AFAP1: variants seen among roughly 807,000 people sequenced by gnomAD.
AFAP1 encodes actin filament-associated protein 1.
Under a neutral mutation model 93.9 loss-of-function variants are expected in AFAP1, and 75 were observed. The observed-to-expected ratio is 0.80, with a 90% CI of 0.66 to 0.97. The LOEUF (loss-of-function observed/expected upper bound fraction) is 0.97. AFAP1 is among the 50% of genes least tolerant of loss of function. The pLI, the probability that AFAP1 is intolerant of heterozygous loss-of-function variation, is 0.00. For missense variants in AFAP1, 1,201 were observed against 1,050.8 expected, an observed-to-expected ratio of 1.14 and a Z score of -1.98; for synonymous variants, 517 against 430.7, an observed-to-expected ratio of 1.20 and a Z score of -2.48.
intron 1 of AFAP1, among the ~76,000 whole-genome samples, chr4:7,874,356 C>CTTTTTTTTTTT (rs869214535): frequency 2.2e-4 from 20 of 92,440 alleles, no homozygotes; most frequent in African/African-American, 9.4e-4. Flanking sequence ...TTGCCTTTTT[C>CTTTTTTTTTTT]TTTTTTTTTT....
rs749316379 is a variant in AFAP1, at chr4:7,843,229, C to T, written c.456G>A (p.Lys152=). The T allele has an allele frequency of 1.9e-6, 3 of 1,614,202 alleles. No homozygotes were observed. In the South Asian group the frequency reaches 3.3e-5, roughly 18 times the overall value. The part of the protein sequence containing the change: ...PSEEASMDLV[K]DAKICAFLLR... Reference sequence around the variant, plus strand: ...GCAGGAAGGCGCAGATTTTGGCGTCCTTGACCAGGTCCATGGAGGCCTCCT... The same window carrying T: ...GCAGGAAGGCGCAGATTTTGGCGTCTTTGACCAGGTCCATGGAGGCCTCCT... Residue 152 remains lysine, a synonymous_variant, in exon 5 of 18, where the codon AAG becomes AAA. Transcript: ENST00000420658.
intron 12 of AFAP1, 21 bp from the exon 13 acceptor site, chr4:7,781,648 T>A: frequency 6.5e-7 from 1 of 1,550,218 alleles, no homozygotes; most frequent in South Asian, 1.2e-5. Context: ...CATAGCTTTG[T>A]GGTTAGTGAC....
intron 4 of AFAP1, among the ~76,000 whole-genome samples, chr4:7,846,123 G>A (rs1713666818): frequency 6.6e-6 from 1 of 152,218 alleles, no homozygotes. Context: ...TCAGCTTCTG[G>A]ACAGGACGTG....
intron 1 of AFAP1, among the ~76,000 whole-genome samples, chr4:7,873,922 T>G (rs1225650204): frequency 2.6e-5 from 4 of 152,212 alleles, no homozygotes; most frequent in Non-Finnish European, 4.4e-5. Flanking sequence ...TGATACCATT[T>G]GTGGCCAAGA....
chr4:7,838,595 T>C lies in AFAP1; in HGVS notation c.655A>G (p.Ile219Val). The C allele has an allele frequency of 6.2e-7, 1 of 1,614,192 alleles. No homozygotes were observed. ...AGCGGGTCCGTGCCCTGCTGAGTAATCTTCAGCTCGTGCTTCTTCTTTTTG... is the reference window on the plus strand; with the variant it reads ...AGCGGGTCCGTGCCCTGCTGAGTAACCTTCAGCTCGTGCTTCTTCTTTTTG... ...DSKKKKHELKITQQGTDPLVL... is the reference protein window; with the variant it reads ...DSKKKKHELKVTQQGTDPLVL... The change falls in exon 6 of 18, where the codon ATT (isoleucine) becomes GTT (valine). Residue 219 changes from isoleucine to valine, a missense_variant. By Grantham distance (29) the Ile-to-Val change is conservative (BLOSUM62 3). Coordinates refer to ENST00000420658, the MANE Select transcript of AFAP1 (RefSeq NM_001134647.2).
At chr4:7,845,826 G>A (rs1713620176) in intron 4 of AFAP1, among the ~76,000 whole-genome samples, 1 of 152,086 alleles carries the variant, frequency 6.6e-6, no homozygotes, top group Admixed American at 6.5e-5. Context: ...CTGGATACCG[G>A]GGCCCAGAGG....
At chr4:7,842,082 T>A (rs1363874255) in intron 5 of AFAP1, among the ~76,000 whole-genome samples, 3 of 152,116 alleles carry the variant, frequency 2.0e-5, no homozygotes, top group Non-Finnish European at 4.4e-5. Context: ...AGACTGGAAA[T>A]AAGGACCACA....
intron 1 of AFAP1, among the ~76,000 whole-genome samples, chr4:7,882,180 T>C (rs139573921): frequency 1.3e-5 from 2 of 152,214 alleles, no homozygotes; most frequent in East Asian, 1.9e-4. Flanking sequence ...TGCAACTCTA[T>C]GCAGATACGC....
At position 7,762,404 on chromosome 4, in the gene AFAP1, A is replaced by T. The variant is rs10155361; in HGVS notation, c.*1361T>A. The stretch of plus-strand genomic sequence containing the variant: ...GTTGCTACTGGGACTGGTCTCCATG[A>T]ATCTGCCTGCGGAGGCGTTCAGGGG... On this transcript the variant is annotated 3_prime_UTR_variant, in exon 18 of 18. Coordinates refer to ENST00000420658, the MANE Select transcript of AFAP1 (RefSeq NM_001134647.2). 0.14 allele frequency: 21,112 copies of T among 152,270 alleles called. 1,496 individuals are homozygous for T. Among genetic ancestry groups the T allele is most frequent in the Admixed American group, 0.16 (2,493 of 15,288 alleles). 9.4% of individuals were successfully genotyped at this position (152,270 alleles called of 1,614,324 possible).
chr4:7,765,591 C>T (rs16841112), intron 17 of AFAP1, among the ~76,000 whole-genome samples: 14,462 of 152,216 alleles, frequency 0.095, 1,059 homozygotes, highest in East Asian at 0.41. Context: ...TCTGGAGCTA[C>T]GTGGATTTGA....
chr4:7,848,652 C>T (rs1447832147), intron 4 of AFAP1, among the ~76,000 whole-genome samples: 1 of 151,980 alleles, frequency 6.6e-6, no homozygotes, highest in Admixed American at 6.5e-5. Flanking sequence ...GGGTCTTCCC[C>T]GTGTGGACCA....
At chr4:7,816,375 A>T (rs1397976020) in intron 7 of AFAP1, among the ~76,000 whole-genome samples, 1 of 152,238 alleles carries the variant, frequency 6.6e-6, no homozygotes, top group Non-Finnish European at 1.5e-5. Context: ...TATTTCATTC[A>T]AATCACTTCT....
chr4:7,812,294 G>GC (rs1253003373), intron 8 of AFAP1, among the ~76,000 whole-genome samples: 1 of 151,918 alleles, frequency 6.6e-6, no homozygotes, highest in South Asian at 2.1e-4. Flanking sequence ...CAGATAATGT[G>GC]GCCCCCCCCA....
intron 1 of AFAP1, among the ~76,000 whole-genome samples, chr4:7,889,399 T>C (rs1007056565): frequency 6.6e-6 from 1 of 151,626 alleles, no homozygotes; most frequent in African/African-American, 2.4e-5. Context: ...TTACAAAAAA[T>C]TAGCCAGGCG....
At chr4:7,795,725 T>C (rs1008104990) in intron 10 of AFAP1, among the ~76,000 whole-genome samples, 3 of 152,236 alleles carry the variant, frequency 2.0e-5, no homozygotes, top group African/African-American at 7.2e-5. Flanking sequence ...AAAATCTATA[T>C]TGAGAATGTA....
chr4:7,931,392 TTTTG>T (rs768854413), intron 1 of AFAP1, among the ~76,000 whole-genome samples: 5 of 152,012 alleles, frequency 3.3e-5, no homozygotes, highest in Non-Finnish European at 7.4e-5. Context: ...TGATATGGTT[TTTTG>T]TTTTTGTTTT....
intron 1 of AFAP1, among the ~76,000 whole-genome samples, chr4:7,910,874 CGTGCTTGAGAGGCA>C (rs1560232295): frequency 2.6e-5 from 4 of 152,178 alleles, no homozygotes; most frequent in Non-Finnish European, 5.9e-5. Context: ...GCGGTGAGGG[CGTGCTTGAGAGGCA>C]CCCCACGACT....
At chr4:7,801,078 A>G (rs879524820) in intron 9 of AFAP1, among the ~76,000 whole-genome samples, 1 of 152,250 alleles carries the variant, frequency 6.6e-6, no homozygotes, top group African/African-American at 2.4e-5. Context: ...AAGTAGAGTA[A>G]GAGTCACAGG....
intron 1 of AFAP1, among the ~76,000 whole-genome samples, chr4:7,898,452 G>T (rs146410437): frequency 1.3e-5 from 2 of 151,416 alleles, no homozygotes; most frequent in Non-Finnish European, 2.9e-5. Flanking sequence ...CTCTCCTTCC[G>T]CCTTTCACCC....
Sources: allele counts gnomAD v4.1 joint callset (sites outside exome capture counted in the v4.1 genomes callset), GRCh38; gene constraint gnomAD v4.1.1; transcripts MANE v1.5; gene names NCBI Gene and HGNC (gene_info 2026-07-23, HGNC 2026-07-21).